TTC16: variants seen among roughly 807,000 people sequenced by gnomAD.
The protein encoded by TTC16 is tetratricopeptide repeat protein 16.
In TTC16, 66 loss-of-function variants were observed where a neutral mutation model predicts 80.4. The ratio of observed to expected loss-of-function variants is 0.82; its 90% CI spans 0.67 to 1.01. TTC16 has a LOEUF of 1.01. Among genes scored for constraint, TTC16 ranks in the 50% least tolerant of loss-of-function variants. TTC16 has a pLI of 0.00. For synonymous variants in TTC16, 438 were observed against 451.3 expected, an observed-to-expected ratio of 0.97 and a Z score of 0.37; for missense variants, 1,070 against 1,103.2, an observed-to-expected ratio of 0.97 and a Z score of 0.43.
At chr9:127,726,745 G>T (rs1054200252) in intron 10 of TTC16, among the ~76,000 whole-genome samples, 2 of 146,496 alleles carry the variant, frequency 1.4e-5, no homozygotes, top group Non-Finnish European at 3.0e-5. Context: ...CCAAGTTTGT[G>T]CCACTGCACT....
At chr9:127,727,557 C>T in intron 12 of TTC16, 92 bp downstream of exon 12, 1 of 1,476,282 alleles carries the variant, frequency 6.8e-7, no homozygotes, top group Non-Finnish European at 9.0e-7. Flanking sequence ...CCAGTGGAGT[C>T]TGGCTTCCAG....
intron 9 of TTC16, 81 bp downstream of exon 9, chr9:127,724,978 G>C: frequency 7.1e-7 from 1 of 1,413,090 alleles, no homozygotes; most frequent in Non-Finnish European, 9.2e-7. Flanking sequence ...GGGATCCCTG[G>C]GTCAATCAAG....
In TTC16 at chr9:127,731,023, G is replaced by T. The variant is rs547072063; in HGVS notation, c.2240G>T (p.Ser747Ile). 1 of 1,613,058 alleles carries T rather than the reference G, an allele frequency of 6.2e-7. No individual in the cohort carries two copies. The highest frequency in any genetic ancestry group is 8.5e-7 in the Non-Finnish European group (1 of 1,179,952). ...EATQGQRQSS[S>I]EIEATQGPRQ... is the part of the protein sequence containing the mutation. ...ACTCAGGGCCAGAGGCAGAGCTCCA[G>T]CGAGATTGAGGCCACCCAGGGCCCA... The change falls in exon 14 of 14, where the codon AGC (serine) becomes ATC (isoleucine). Residue 747 changes from serine to isoleucine, a missense_variant. Physicochemically the swap from Ser to Ile is moderately radical, Grantham distance 142 (BLOSUM62 -2). Coordinates refer to ENST00000373289, the MANE Select transcript of TTC16 (RefSeq NM_144965.3).
At chr9:127,729,344 C>T (rs555011486) in intron 12 of TTC16, 19 of 492,100 alleles carry the variant, frequency 3.9e-5, no homozygotes, top group African/African-American at 2.3e-4. Context: ...AAAACCAAGG[C>T]GCTAGCAGCT....
At chr9:127,727,169 C>T (rs1397514675) in intron 11 of TTC16, 57 bp downstream of exon 11, 6 of 1,520,234 alleles carry the variant, frequency 3.9e-6, no homozygotes, top group African/African-American at 1.4e-5. Flanking sequence ...CAGCTCCAGG[C>T]TCCTCTGGCT....
intron 6 of TTC16, among the ~76,000 whole-genome samples, chr9:127,720,860 TCCCCCTTTCTCCCTCCCCCTTCCC>T (rs1843427228): frequency 1.1e-3 from 1 of 930 alleles, no homozygotes; most frequent in Non-Finnish European, 2.0e-3. Flanking sequence ...CTCCTCCCCT[TCCCCCTTTCTCCCTCCCCCTTCCC>T]CTTCCTCCCT....
At chr9:127,723,419 C>G (rs1843657401) in intron 7 of TTC16, 86 bp downstream of exon 7, 1 of 1,320,106 alleles carries the variant, frequency 7.6e-7, no homozygotes, top group Non-Finnish European at 1.1e-6. Flanking sequence ...CCCTGACCCT[C>G]TCTGGGCCTC....
Position 127,726,233 on chromosome 9 carries a change from G to A in TTC16, c.1260-6G>A, listed in dbSNP as rs199536918. On this transcript the variant is annotated splice_polypyrimidine_tract_variant and splice_region_variant and intron_variant, in intron 9 of 13. Coordinates refer to ENST00000373289, the MANE Select transcript of TTC16 (RefSeq NM_144965.3). ...ATAGCAGCTTGGGACCCACTGTGTC[G>A]TGCAGGCAGTTCCAGAAGGCAGAGA... 5.7e-5 allele frequency: 90 copies of A among 1,582,008 alleles called. 1 individual carries two copies. The highest frequency in any genetic ancestry group is 3.4e-4 in the African/African-American group (25 of 74,234).
chr9:127,721,368 C>T (rs917167534), intron 6 of TTC16, among the ~76,000 whole-genome samples: 3 of 151,944 alleles, frequency 2.0e-5, no homozygotes, highest in African/African-American at 7.3e-5. Context: ...TTCCCACAGC[C>T]CTTCAGAAGG....
chr9:127,716,893 G>T lies in TTC16; in HGVS notation c.68G>T (p.Trp23Leu). The change falls in exon 2 of 14, where the codon TGG becomes TTG. Residue 23 changes from tryptophan (W) to leucine (L), a missense_variant. Coordinates refer to ENST00000373289, the MANE Select transcript of TTC16 (RefSeq NM_144965.3). ...CCCTCACGGGACATCCCAAAGCCAT[G>T]GGTGATTCCAGCCCCCAAAGGGATC... is the stretch of plus-strand genomic sequence containing the variant. ...QGPSRDIPKP[W>L]VIPAPKGILQ... 1.2e-6 allele frequency: 2 copies of T among 1,614,074 alleles called. No homozygotes were observed. Among genetic ancestry groups the T allele is most frequent in the Non-Finnish European group, 8.5e-7 (1 of 1,179,980 alleles).
At chr9:127,717,873 G>C in intron 4 of TTC16, 101 bp downstream of exon 4, 2 of 1,429,750 alleles carry the variant, frequency 1.4e-6, no homozygotes, top group Non-Finnish European at 1.9e-6. Context: ...ATTCCTCCTT[G>C]TCCCTGTGTC....
In TTC16 at chr9:127,717,006, G is replaced by C. The variant is rs1229112747; in HGVS notation, c.181G>C (p.Val61Leu). 6.2e-7 allele frequency: 1 copy of C among 1,613,158 alleles called. No homozygotes were observed. Among genetic ancestry groups the C allele is most frequent in the African/African-American group, 1.3e-5 (1 of 75,028 alleles). Reference protein sequence around the residue: ...KVTGLTVPLKVREYYSRGQQC... With the variant: ...KVTGLTVPLKLREYYSRGQQC... ...CACAGGGTTAACAGTGCCCCTCAAAGTCAGGGAATAGTGAGTGACTACCTT... is the reference window on the plus strand; with the variant it reads ...CACAGGGTTAACAGTGCCCCTCAAACTCAGGGAATAGTGAGTGACTACCTT... The change falls in exon 2 of 14, where the codon GTC becomes CTC. Residue 61 changes from valine to leucine, a missense_variant. Coordinates refer to ENST00000373289, the MANE Select transcript of TTC16 (RefSeq NM_144965.3).
chr9:127,719,847 CCTGTCTCTTGCCAAGCGTGCATCTCTTA>C (rs571685117), intron 4 of TTC16, among the ~76,000 whole-genome samples: 104 of 152,300 alleles, frequency 6.8e-4, no homozygotes, highest in African/African-American at 2.5e-3. Flanking sequence ...TCTCTGTATT[CCTGTCTCTTGCCAAGCGTGCATCTCTTA>C]CTGTCTCTTG....
intron 7 of TTC16, 109 bp from the exon 8 acceptor site, chr9:127,724,011 T>G: frequency 7.2e-7 from 1 of 1,387,178 alleles, no homozygotes; most frequent in Non-Finnish European, 9.5e-7. Flanking sequence ...ACTGCCTCCA[T>G]GGGTCAGGAG....
intron 7 of TTC16, 72 bp from the exon 8 acceptor site, chr9:127,724,048 G>T: frequency 6.8e-7 from 1 of 1,460,496 alleles, no homozygotes. Context: ...GGCTTGTCTG[G>T]CCACTAGCCA....
rs184426971 is a variant in TTC16, at chr9:127,723,135, G to A, written c.674G>A (p.Arg225Gln). 235 of 1,611,652 alleles carry A rather than the reference G, an allele frequency of 1.5e-4. 3 individuals are homozygous for A. In the Admixed American group the frequency reaches 3.1e-3, roughly 21 times the overall value. ...NFLQKPHLCY[R>Q]DLHSALLLNP... The stretch of plus-strand genomic sequence containing the variant: ...CTCCTGCAGCCCCACCTCTGCTACC[G>A]GGACCTGCACAGCGCCTTGCTGTTG... Residue 225 changes from arginine (R) to glutamine (Q), a missense_variant, in exon 7 of 14, where the codon CGG becomes CAG. Coordinates refer to ENST00000373289, the MANE Select transcript of TTC16 (RefSeq NM_144965.3).
Position 127,718,087 on chromosome 9 carries a change from TTTATTA to T in TTC16, c.426+327_426+332del, listed in dbSNP as rs139884083. Among the ~76,000 whole-genome samples the T allele has an allele frequency of 7.2e-5, 11 of 152,020 alleles. No individual in the cohort carries two copies. The highest frequency in any genetic ancestry group is 5.2e-4 in the Admixed American group (8 of 15,288). On this transcript the variant is annotated intron_variant, in intron 4 of 13. Coordinates refer to ENST00000373289, the MANE Select transcript of TTC16 (RefSeq NM_144965.3). This position sits in a 1 kb window ranked among gnomAD's most constrained non-coding sequence, Gnocchi z 4.6. ...ATTTTATATCTTATTTTTATTTTAT[TTTATTA>T]TTATTATTATTTTTGAGACAGTCTT...
rs767052297 is a variant in TTC16 at position 127,731,157 on chromosome 9, C to T, written c.2374C>T (p.Gln792Ter). The change falls in exon 14 of 14, where the codon CAG becomes TAG. Residue 792 changes from glutamine (Q) to a stop codon, truncating the protein, a stop_gained. Coordinates refer to ENST00000373289, the MANE Select transcript of TTC16 (RefSeq NM_144965.3). LOFTEE classifies it low-confidence loss of function (END_TRUNC). The part of the protein sequence containing the change: ...SWRPSKVDAT[Q>*]GRSRGLLRSS... ...GAGACCCAGCAAGGTTGATGCCACC[C>T]AGGGCCGAAGCAGGGGACTGCTCCG... 2 of 1,612,412 alleles carry T rather than the reference C, an allele frequency of 1.2e-6. No homozygotes were observed. Among genetic ancestry groups the T allele is most frequent in the Admixed American group, 1.7e-5 (1 of 59,902 alleles).
At position 127,720,160 on chromosome 9, in the gene TTC16, C is replaced by T; in HGVS notation, c.509C>T (p.Pro170Leu). ...GCTGCTGAGCTCCAGCCTGAGAAACCATGCTTCCGTTACCGATGGTGAGTG... is the reference window on the plus strand; with the variant it reads ...GCTGCTGAGCTCCAGCCTGAGAAACTATGCTTCCGTTACCGATGGTGAGTG... Reference protein sequence around the residue: ...SHAAELQPEKPCFRYRCMACL... With the variant: ...SHAAELQPEKLCFRYRCMACL... Residue 170 changes from proline (P) to leucine (L), a missense_variant, in exon 5 of 14, where the codon CCA becomes CTA. Pro to Leu is a moderately conservative substitution (Grantham distance 98, BLOSUM62 -3). Transcript: ENST00000373289. 1 of 1,613,816 alleles carries T rather than the reference C, an allele frequency of 6.2e-7. No individual in the cohort carries two copies. The highest frequency in any genetic ancestry group is 1.1e-5 in the South Asian group (1 of 91,076).
Sources: allele counts gnomAD v4.1 joint callset (sites outside exome capture counted in the v4.1 genomes callset), GRCh38; gene constraint gnomAD v4.1.1; non-coding constraint Gnocchi (gnomAD v3.1); transcripts MANE v1.5; gene names NCBI Gene and HGNC (gene_info 2026-07-23, HGNC 2026-07-21).